The following FGF14 variants were observed in gnomAD, a reference collection of about 807,000 sequenced individuals.
The protein encoded by FGF14 is fibroblast growth factor 14.
FGF14 carries 5 observed loss-of-function variants against 25.5 expected under a neutral mutation model. The observed-to-expected ratio is 0.20, with a 90% confidence interval of 0.10 to 0.41. The LOEUF (loss-of-function observed/expected upper bound fraction) is 0.41. Ranked by LOEUF, FGF14 falls within the 10% of genes least tolerant of loss-of-function variation. The probability of loss-of-function intolerance (pLI) is 1.00; values close to 1 mark genes in which losing one functional copy is unlikely to be tolerated. For synonymous variants in FGF14, 138 were observed against 118.3 expected, an observed-to-expected ratio of 1.17 and a Z score of -1.08; for missense variants, 222 against 320.1, an observed-to-expected ratio of 0.69 and a Z score of 2.34.
intron 1 of FGF14, among the ~76,000 whole-genome samples, chr13:102,041,593 AAAAG>A (rs1199268559): frequency 8.7e-5 from 13 of 150,242 alleles, no homozygotes; most frequent in South Asian, 8.3e-4. Flanking sequence ...TAAAAAAAAA[AAAAG>A]AGAGATTTTA....
chr13:102,148,778 G>A lies in FGF14; in HGVS notation c.208+252693C>T, dbSNP rs918162465. Among the ~76,000 whole-genome samples the A allele has an allele frequency of 6.6e-5, 10 of 152,272 alleles. No homozygotes were observed. The East Asian group carries it at 9.6e-4, about 15-fold the overall frequency. On this transcript the variant is annotated intron_variant, in intron 1 of 4. Coordinates refer to the FGF14 transcript ENST00000376131. Reference sequence around the variant, plus strand: ...TGCACTCCAGCCTGGGCAACAGGGCGAGACTCAGTCTCAAAAAAATAATTA... The same window carrying A: ...TGCACTCCAGCCTGGGCAACAGGGCAAGACTCAGTCTCAAAAAAATAATTA...
At chr13:101,968,074 A>G (rs1273645457) in intron 1 of FGF14, among the ~76,000 whole-genome samples, 1 of 152,222 alleles carries the variant, frequency 6.6e-6, no homozygotes, top group Non-Finnish European at 1.5e-5. Flanking sequence ...TCATTTTATT[A>G]GCATGACTGA....
intron 1 of FGF14, among the ~76,000 whole-genome samples, chr13:101,939,867 T>C (rs930665269): frequency 5.3e-5 from 8 of 152,026 alleles, no homozygotes; most frequent in Non-Finnish European, 1.0e-4. Flanking sequence ...TAGAAAGAAA[T>C]AGCATGAATG....
chr13:102,359,134 C>T (rs1367024943), intron 1 of FGF14, among the ~76,000 whole-genome samples: 4 of 151,914 alleles, frequency 2.6e-5, no homozygotes, highest in African/African-American at 9.7e-5. Context: ...CACATTGGCA[C>T]AGGGAAGGGA....
chr13:102,268,100 A>C (rs2053077794), intron 1 of FGF14, among the ~76,000 whole-genome samples: 1 of 152,226 alleles, frequency 6.6e-6, no homozygotes. Flanking sequence ...TATTCTGAAT[A>C]GAAAAGCTGC....
chr13:102,400,593 C>T lies in FGF14; in HGVS notation c.208+878G>A, dbSNP rs2058680536. ...CGCGGGGACGGGAACCCCTGGGATC[C>T]GACTCCCCAAATCAGATGCATTTGC... On this transcript the variant is annotated intron_variant, in intron 1 of 4. Coordinates refer to the FGF14 transcript ENST00000376131. This position sits in a 1 kb window ranked among gnomAD's most constrained non-coding sequence, Gnocchi z 4.3. 6.6e-6 allele frequency among the ~76,000 whole-genome samples: 1 copy of T among 152,172 alleles called. No individual in the cohort carries two copies. The highest frequency in any genetic ancestry group is 6.5e-5 in the Admixed American group (1 of 15,282).
chr13:101,887,079 C>T (rs1207550612), intron 1 of FGF14, among the ~76,000 whole-genome samples: 1 of 151,934 alleles, frequency 6.6e-6, no homozygotes, highest in Admixed American at 6.6e-5. Flanking sequence ...GGGGAACCCT[C>T]ATATGCTTTT....
chr13:102,023,901 G>A (rs1347910092), intron 1 of FGF14, among the ~76,000 whole-genome samples: 2 of 152,010 alleles, frequency 1.3e-5, no homozygotes, highest in African/African-American at 4.8e-5. Flanking sequence ...CCCAGTGGGA[G>A]AAGATAAACA....
chr13:102,199,037 T>C (rs563433714), intron 1 of FGF14, among the ~76,000 whole-genome samples: 147 of 152,366 alleles, frequency 9.6e-4, no homozygotes, highest in Non-Finnish European at 1.6e-3. Flanking sequence ...TAAGCTGATA[T>C]AAATCAGAAC....
intron 1 of FGF14, among the ~76,000 whole-genome samples, chr13:102,120,702 ATTTTT>A (rs10611209): frequency 2.9e-5 from 4 of 140,298 alleles, no homozygotes; most frequent in Admixed American, 1.4e-4. Context: ...TAGAAAAGTG[ATTTTT>A]TTTTTTTTTT....
intron 1 of FGF14, chr13:102,046,151 C>T (rs2041972687): frequency 6.5e-6 from 1 of 154,274 alleles, no homozygotes; most frequent in African/African-American, 2.4e-5. Flanking sequence ...AGTTACCCAA[C>T]CCCCTAACTC....
chr13:102,310,700 G>C (rs11620333), intron 1 of FGF14, among the ~76,000 whole-genome samples: 1 of 49,816 alleles, frequency 2.0e-5, no homozygotes, highest in African/African-American at 8.0e-5. Flanking sequence ...TGTGTGTGGG[G>C]GGGGGGGGGT....
intron 1 of FGF14, among the ~76,000 whole-genome samples, chr13:102,376,478 A>G (rs2058044203): frequency 6.6e-6 from 1 of 152,092 alleles, no homozygotes; most frequent in Admixed American, 6.6e-5. Context: ...CCTCTCCTCC[A>G]TGCCCTCATT....
At chr13:101,805,996 ATATT>A (rs2041176179) in intron 3 of FGF14, among the ~76,000 whole-genome samples, 1 of 152,030 alleles carries the variant, frequency 6.6e-6, no homozygotes, top group South Asian at 2.1e-4. Flanking sequence ...ACATATACAT[ATATT>A]TATCAGTTTC....
chr13:102,177,097 T>C (rs1313735028), intron 1 of FGF14, among the ~76,000 whole-genome samples: 3 of 152,210 alleles, frequency 2.0e-5, no homozygotes, highest in South Asian at 4.1e-4. Context: ...CTCAAGTGCT[T>C]GGATCTACTT....
At chr13:102,181,755 T>G (rs1378623059) in intron 1 of FGF14, among the ~76,000 whole-genome samples, 2 of 152,184 alleles carry the variant, frequency 1.3e-5, no homozygotes, top group African/African-American at 4.8e-5. Flanking sequence ...CATATTACGC[T>G]GGATCCATAG....
intron 1 of FGF14, among the ~76,000 whole-genome samples, chr13:102,089,485 A>G (rs1254599683): frequency 6.6e-6 from 1 of 152,172 alleles, no homozygotes; most frequent in Admixed American, 6.5e-5. Flanking sequence ...TGTTTTGGAA[A>G]CTGATGCTAG....
At chr13:101,795,418 T>C (rs2040465275) in intron 3 of FGF14, among the ~76,000 whole-genome samples, 1 of 152,092 alleles carries the variant, frequency 6.6e-6, no homozygotes. Context: ...TTTCTTTTGT[T>C]TAAGGTAACT....
At chr13:102,217,475 A>G (rs1035633351) in intron 1 of FGF14, among the ~76,000 whole-genome samples, 1 of 152,214 alleles carries the variant, frequency 6.6e-6, no homozygotes, top group Non-Finnish European at 1.5e-5. Flanking sequence ...TCAATTTACT[A>G]TTAGCTAAAA....
Sources: allele counts gnomAD v4.1 joint callset (sites outside exome capture counted in the v4.1 genomes callset), GRCh38; gene constraint gnomAD v4.1.1; non-coding constraint Gnocchi (gnomAD v3.1); transcripts MANE v1.5; gene names NCBI Gene and HGNC (gene_info 2026-07-23, HGNC 2026-07-21).